Variants in LRMDA observed in about 807,000 individuals in gnomAD.
LRMDA encodes leucine rich melanocyte differentiation associated.
A neutral mutation model predicts 29.8 loss-of-function variants in LRMDA; 18 were observed. The observed-to-expected ratio is 0.60, with a 90% confidence interval of 0.42 to 0.90. The LOEUF (loss-of-function observed/expected upper bound fraction) is 0.90, where lower values mean the gene tolerates loss of function less well. LRMDA is among the 40% of genes least tolerant of loss of function. The pLI, the probability that LRMDA is intolerant of heterozygous loss-of-function variation, is 0.00. For missense variants in LRMDA, 273 were observed against 273.9 expected (o/e 1.00, Z 0.02); for synonymous variants, 125 against 109.4 (o/e 1.14, Z -0.89).
intron 6 of LRMDA, among the ~76,000 whole-genome samples, chr10:76,410,301 T>C (rs1841946020): frequency 8.3e-6 from 1 of 120,426 alleles, no homozygotes; most frequent in African/African-American, 3.3e-5. Context: ...TTTCTTTCTT[T>C]TTTTTTTTTT....
chr10:75,762,290 TG>T (rs766939337), intron 2 of LRMDA, among the ~76,000 whole-genome samples: 2 of 152,256 alleles, frequency 1.3e-5, no homozygotes, highest in African/African-American at 2.4e-5. Flanking sequence ...GGGTCACATG[TG>T]GCCCAGGATG....
rs531110323 is a variant in LRMDA at position 76,060,013 on chromosome 10, C to T, written c.516+1230C>T. Among the ~76,000 whole-genome samples the T allele has an allele frequency of 1.7e-3, 261 of 152,280 alleles. 1 individual carries two copies. The highest frequency in any genetic ancestry group is 6.1e-3 in the African/African-American group (252 of 41,548). ...CGAGGCACAGGTTTGATGTATTGCA[C>T]ACAACTGCCTTTAGTTATTCTAGCT... On this transcript the variant is annotated intron_variant, in intron 5 of 6. Transcript: ENST00000611255.
intron 6 of LRMDA, among the ~76,000 whole-genome samples, chr10:76,512,689 G>A (rs1843020738): frequency 6.6e-6 from 1 of 152,054 alleles, no homozygotes; most frequent in South Asian, 2.1e-4. Flanking sequence ...GATACCAAAA[G>A]CAAAGCAACC....
intron 2 of LRMDA, among the ~76,000 whole-genome samples, chr10:75,971,543 C>T (rs1482840297): frequency 6.6e-6 from 1 of 152,176 alleles, no homozygotes; most frequent in Non-Finnish European, 1.5e-5. Context: ...TATTTCTAAT[C>T]CAAGTGTTAC....
At chr10:75,496,019 G>T (rs779698741) in intron 2 of LRMDA, among the ~76,000 whole-genome samples, 4 of 152,224 alleles carry the variant, frequency 2.6e-5, no homozygotes, top group Non-Finnish European at 5.9e-5. Flanking sequence ...GAATTGGGAC[G>T]TGTAATCTGA....
chr10:75,598,690 C>A (rs531508266), intron 2 of LRMDA, among the ~76,000 whole-genome samples: 1 of 152,270 alleles, frequency 6.6e-6, no homozygotes, highest in African/African-American at 2.4e-5. Context: ...TCCTGCGAGG[C>A]TTCATATGTA....
At chr10:76,458,601 G>A (rs1213258815) in intron 6 of LRMDA, among the ~76,000 whole-genome samples, 1 of 152,170 alleles carries the variant, frequency 6.6e-6, no homozygotes, top group Non-Finnish European at 1.5e-5. Flanking sequence ...CACTATCAGA[G>A]CCTGATCAGT....
intron 5 of LRMDA, among the ~76,000 whole-genome samples, chr10:76,186,093 T>A (rs1425437755): frequency 2.0e-5 from 3 of 152,146 alleles, no homozygotes; most frequent in Admixed American, 2.0e-4. Flanking sequence ...ATTTACGCAT[T>A]CCAAGCTGAG....
At chr10:76,363,178 G>GAAAGAAAGA (rs1564520675) in intron 6 of LRMDA, among the ~76,000 whole-genome samples, 161 of 12,250 alleles carry the variant, frequency 0.013, 6 homozygotes, top group East Asian at 0.028. Flanking sequence ...AGAAAGAAAG[G>GAAAGAAAGA]AGGGAGGGAG....
At chr10:75,901,619 T>C (rs1845674717) in intron 2 of LRMDA, among the ~76,000 whole-genome samples, 2 of 152,162 alleles carry the variant, frequency 1.3e-5, no homozygotes, top group African/African-American at 2.4e-5. Context: ...ATCAATGAGA[T>C]TACATCTTGC....
chr10:76,044,806 CTCTG>C (rs1438562480), intron 3 of LRMDA, among the ~76,000 whole-genome samples: 1 of 152,212 alleles, frequency 6.6e-6, no homozygotes, highest in Non-Finnish European at 1.5e-5. Flanking sequence ...ATGTCTATTT[CTCTG>C]TCTTTGTTTG....
At chr10:76,272,946 C>T (rs930561393) in intron 5 of LRMDA, among the ~76,000 whole-genome samples, 5 of 152,090 alleles carry the variant, frequency 3.3e-5, no homozygotes, top group African/African-American at 1.2e-4. Flanking sequence ...CCAGTCACCT[C>T]CCACCGGGTC....
At chr10:75,770,215 TG>T (rs2132234249) in intron 2 of LRMDA, among the ~76,000 whole-genome samples, 1 of 151,350 alleles carries the variant, frequency 6.6e-6, no homozygotes, top group East Asian at 2.0e-4. Flanking sequence ...CCCTTGTGCC[TG>T]GGAGTTTGAG....
At chr10:76,089,424 A>G (rs1301836051) in intron 5 of LRMDA, among the ~76,000 whole-genome samples, 1 of 152,242 alleles carries the variant, frequency 6.6e-6, no homozygotes, top group East Asian at 1.9e-4. Flanking sequence ...AATAAAACAC[A>G]TAGGAAGATG....
At chr10:76,448,938 G>C (rs1842379145) in intron 6 of LRMDA, among the ~76,000 whole-genome samples, 1 of 151,830 alleles carries the variant, frequency 6.6e-6, no homozygotes, top group Non-Finnish European at 1.5e-5. Context: ...TATAGCAGAT[G>C]TTTATTTACT....
chr10:75,485,599 T>C (rs1236106388), intron 2 of LRMDA, among the ~76,000 whole-genome samples: 3 of 151,950 alleles, frequency 2.0e-5, no homozygotes, highest in African/African-American at 7.3e-5. Flanking sequence ...TATACATATT[T>C]TGAGATGGAG....
chr10:75,660,736 G>GT (rs1242731927), intron 2 of LRMDA, among the ~76,000 whole-genome samples: 7 of 151,710 alleles, frequency 4.6e-5, no homozygotes, highest in African/African-American at 1.7e-4. Flanking sequence ...GAGATAATGA[G>GT]TTTTTTGAGA....
At chr10:75,813,312 C>T (rs1182666815) in intron 2 of LRMDA, among the ~76,000 whole-genome samples, 3 of 152,168 alleles carry the variant, frequency 2.0e-5, no homozygotes, top group Admixed American at 6.5e-5. Context: ...CTTCCAGTGC[C>T]GACCCACGGG....
intron 2 of LRMDA, among the ~76,000 whole-genome samples, chr10:76,031,719 A>G (rs1848154053): frequency 6.6e-6 from 1 of 152,068 alleles, no homozygotes; most frequent in South Asian, 2.1e-4. Flanking sequence ...TGGCCACACC[A>G]TTTTCTCAAT....
Sources: gnomAD v4.1 joint callset for allele counts (sites outside exome capture counted in the v4.1 genomes callset) on GRCh38, gnomAD v4.1.1 for gene constraint, MANE v1.5 for transcripts, NCBI Gene and HGNC (gene_info 2026-07-23, HGNC 2026-07-21) for gene names.